The following TXNRD2 variants were observed in gnomAD, a reference collection of about 807,000 sequenced individuals.
TXNRD2 encodes thioredoxin reductase 2.
Under a neutral mutation model 70.8 loss-of-function variants are expected in TXNRD2, and 67 were observed. That is an observed-to-expected ratio of 0.95 (90% CI 0.78 to 1.16). The LOEUF is 1.16. TXNRD2 is among the 50% of genes most tolerant of loss of function. TXNRD2 has a pLI of 0.00. For missense variants in TXNRD2, 644 were observed against 719.9 expected (o/e 0.89, Z 1.21); for synonymous variants, 301 against 295.8 (o/e 1.02, Z -0.18).
rs536545192 is a variant in TXNRD2 at position 19,898,042 on chromosome 22, G to A, written c.771C>T (p.Asp257=). Residue 257 remains aspartate (D), a synonymous_variant, in exon 10 of 18, where the codon GAC becomes GAT. Coordinates refer to ENST00000400521, the MANE Select transcript of TXNRD2 (RefSeq NM_006440.5). ...MMRSIPLRGF[D]QQMSSMVIEH... ...GAGCTGGGGCCTCCAGCACTACCTG[G>A]TCGAAGCCGCGGAGGGGGATGCTGC... The A allele has an allele frequency of 6.5e-5, 101 of 1,554,350 alleles. No homozygotes were observed. The South Asian group carries it at 1.2e-3, about 18-fold the overall frequency.
intron 8 of TXNRD2, among the ~76,000 whole-genome samples, chr22:19,909,850 ACACACACACCACACACACACCACT>A (rs1331865206): frequency 4.2e-5 from 3 of 71,750 alleles, no homozygotes; most frequent in South Asian, 5.4e-4. Flanking sequence ...CACACCCTTC[ACACACACACCACACACACACCACT>A]CACACACACC....
At chr22:19,935,660 G>A (rs895935197) in intron 1 of TXNRD2, among the ~76,000 whole-genome samples, 1 of 152,216 alleles carries the variant, frequency 6.6e-6, no homozygotes, top group African/African-American at 2.4e-5. Context: ...GTCACCCCCA[G>A]CAGCCCAGCT....
intron 4 of TXNRD2, among the ~76,000 whole-genome samples, 179 bp downstream of exon 4, chr22:19,918,681 C>G (rs1940747001): frequency 6.6e-6 from 1 of 152,228 alleles, no homozygotes; most frequent in Non-Finnish European, 1.5e-5. Flanking sequence ...CCAGTGACAA[C>G]CAAAACTGTC....
chr22:19,890,913 T>C (rs1201552800), intron 11 of TXNRD2, among the ~76,000 whole-genome samples: 2 of 151,978 alleles, frequency 1.3e-5, no homozygotes, highest in Non-Finnish European at 2.9e-5. Context: ...ACAGCTCCCC[T>C]CCTGGGCACC....
intron 2 of TXNRD2, among the ~76,000 whole-genome samples, chr22:19,924,857 GA>G (rs1184695963): frequency 2.0e-5 from 3 of 151,596 alleles, no homozygotes; most frequent in Non-Finnish European, 4.4e-5. Flanking sequence ...CAAGGCCAAT[GA>G]AAAGAGAAAA....
chr22:19,899,043 G>A lies in TXNRD2; in HGVS notation c.682+6C>T. On this transcript the variant is annotated splice_donor_region_variant and intron_variant, in intron 9 of 17. Coordinates refer to ENST00000400521, the MANE Select transcript of TXNRD2 (RefSeq NM_006440.5). ...GGACGGCCACCTGCACGCTTGCAAA[G>A]GATACAGCTGGCCCCGACCACCAAC... The A allele has an allele frequency of 6.2e-7, 1 of 1,606,420 alleles. No individual in the cohort carries two copies. The highest frequency in any genetic ancestry group is 1.1e-5 in the South Asian group (1 of 91,084).
intron 11 of TXNRD2, among the ~76,000 whole-genome samples, chr22:19,889,224 C>G (rs747968998): frequency 6.6e-6 from 1 of 152,210 alleles, no homozygotes; most frequent in African/African-American, 2.4e-5. Flanking sequence ...TAAGACCCCA[C>G]AGTCAGCCTT....
At chr22:19,933,093 G>A (rs778908237) in intron 1 of TXNRD2, among the ~76,000 whole-genome samples, 10 of 152,192 alleles carry the variant, frequency 6.6e-5, no homozygotes, top group Non-Finnish European at 1.5e-5. Flanking sequence ...GGCCTGCAGC[G>A]AGCCTGCCCC....
chr22:19,889,479 C>T (rs930016131), intron 11 of TXNRD2, among the ~76,000 whole-genome samples: 5 of 152,038 alleles, frequency 3.3e-5, no homozygotes, highest in Admixed American at 6.5e-5. Flanking sequence ...GGCGCGGTGG[C>T]GGGTGCCTGT....
chr22:19,941,325 A>C (rs1941705594), intron 1 of TXNRD2, among the ~76,000 whole-genome samples: 1 of 151,990 alleles, frequency 6.6e-6, no homozygotes, highest in Admixed American at 6.5e-5. Context: ...TAACCTCTAG[A>C]GTCTAGGGGT....
chr22:19,877,807 C>T (rs993240375), intron 16 of TXNRD2, among the ~76,000 whole-genome samples: 7 of 152,342 alleles, frequency 4.6e-5, no homozygotes, highest in Middle Eastern at 3.4e-3. Context: ...CTCATGGTGG[C>T]GTGGTGCTTG....
intron 8 of TXNRD2, among the ~76,000 whole-genome samples, chr22:19,906,009 T>TA (rs369121971): frequency 3.3e-5 from 5 of 150,334 alleles, no homozygotes; most frequent in Admixed American, 6.6e-5. Context: ...TAAGTTACAT[T>TA]AAAAAAAACT....
chr22:19,923,962 G>C (rs1443635062), intron 2 of TXNRD2, among the ~76,000 whole-genome samples: 1 of 149,780 alleles, frequency 6.7e-6, no homozygotes, highest in African/African-American at 2.5e-5. Context: ...CATTCAGGTA[G>C]ACTTGATTTT....
chr22:19,925,128 C>CA (rs1160506501), intron 2 of TXNRD2, among the ~76,000 whole-genome samples: 2 of 151,672 alleles, frequency 1.3e-5, no homozygotes, highest in African/African-American at 2.4e-5. Flanking sequence ...ACTAAAATCA[C>CA]AAAAAATTAG....
In TXNRD2 at chr22:19,899,083, G is replaced by A. The variant is rs2145979673; in HGVS notation, c.663-15C>T. On this transcript the variant is annotated splice_polypyrimidine_tract_variant and intron_variant, in intron 8 of 17. Transcript: ENST00000400521. The stretch of plus-strand genomic sequence containing the variant: ...CGACCACCAACCTGTTAGAGAAACA[G>A]AGAGAGAGCACATGTAAAGCTGAGG... 2 of 1,607,384 alleles carry A rather than the reference G, an allele frequency of 1.2e-6. No homozygotes were observed. Among genetic ancestry groups the A allele is most frequent in the Non-Finnish European group, 1.7e-6 (2 of 1,179,924 alleles).
At chr22:19,926,750 C>T (rs1349053631) in intron 2 of TXNRD2, among the ~76,000 whole-genome samples, 1 of 152,120 alleles carries the variant, frequency 6.6e-6, no homozygotes, top group Non-Finnish European at 1.5e-5. Context: ...CACTGCACCC[C>T]AGCCTGGGCA....
At chr22:19,911,288 A>T (rs916845697) in intron 8 of TXNRD2, 89 bp downstream of exon 8, 7 of 1,086,310 alleles carry the variant, frequency 6.4e-6, no homozygotes, top group Middle Eastern at 2.0e-4. Flanking sequence ...AGAAAGCCCC[A>T]GGAGCCCAGC....
At position 19,929,187 on chromosome 22, in the gene TXNRD2, C is replaced by T. The variant is rs113646352; in HGVS notation, c.172+1843G>A. 1.5e-3 allele frequency among the ~76,000 whole-genome samples: 227 copies of T among 149,898 alleles called. 1 individual carries two copies. Among genetic ancestry groups the T allele is most frequent in the African/African-American group, 5.4e-3 (220 of 40,630 alleles). ...CTAAAAATAAAAAAAATTAGCCGGG[C>T]GTGGTGGTGGGCGCCTGTAGTCCCA... On this transcript the variant is annotated intron_variant, in intron 2 of 17. Transcript: ENST00000400521.
intron 2 of TXNRD2, among the ~76,000 whole-genome samples, chr22:19,921,414 CAAAA>C (rs34252435): frequency 1.3e-5 from 1 of 75,378 alleles, no homozygotes. Context: ...GACCCTGTCT[CAAAA>C]AAAAAAAAAA....
Sources: gnomAD v4.1 joint callset for allele counts (sites outside exome capture counted in the v4.1 genomes callset) on GRCh38, gnomAD v4.1.1 for gene constraint, MANE v1.5 for transcripts, NCBI Gene and HGNC (gene_info 2026-07-23, HGNC 2026-07-21) for gene names.